Variants in GRIA2 observed in about 807,000 individuals in gnomAD.
GRIA2 encodes the protein glutamate ionotropic receptor AMPA type subunit 2, also known as glutamate receptor 2.
Under a neutral mutation model 97.3 loss-of-function variants are expected in GRIA2, and 14 were observed. The ratio of observed to expected loss-of-function variants is 0.14; its 90% CI spans 0.10 to 0.23. The LOEUF (loss-of-function observed/expected upper bound fraction) is 0.23. Ranked by LOEUF, GRIA2 falls within the 10% of genes least tolerant of loss-of-function variation. GRIA2 has a pLI of 1.00. For missense variants in GRIA2, 558 were observed against 1,069.8 expected (o/e 0.52, Z 6.67); for synonymous variants, 412 against 387.8 (o/e 1.06, Z -0.73).
intron 6 of GRIA2, among the ~76,000 whole-genome samples, chr4:157,325,983 T>C (rs1170888627): frequency 6.6e-6 from 1 of 152,152 alleles, no homozygotes; most frequent in Admixed American, 6.5e-5. Flanking sequence ...TCCATTTCAC[T>C]TGGAGTAAAA....
intron 2 of GRIA2, among the ~76,000 whole-genome samples, chr4:157,272,216 C>G (rs1732059685): frequency 6.6e-6 from 1 of 152,046 alleles, no homozygotes; most frequent in South Asian, 2.1e-4. Context: ...TGACCACAAT[C>G]AAATAGCAGG....
In GRIA2 at chr4:157,356,101, TTATATTTATTTATTTATATATATTTATA is replaced by T. The variant is rs1342434701; in HGVS notation, c.2044-3785_2044-3758del. Among the ~76,000 whole-genome samples the T allele has an allele frequency of 3.7e-3, 460 of 124,800 alleles. 8 individuals are homozygous for T. Among genetic ancestry groups the T allele is most frequent in the South Asian group, 0.03 (130 of 4,344 alleles). 81.9% of individuals were successfully genotyped at this position (124,800 alleles called of 152,430 possible). A position where few individuals can be genotyped will look rare whatever the true frequency, so the allele number is the denominator to read the frequency against. ...TATTTATTTATATATATTTATATAT[TTATATTTATTTATTTATATATATTTATA>T]TATATTTATATATTTATATTTATTT... On this transcript the variant is annotated intron_variant, in intron 12 of 15. Coordinates refer to ENST00000264426, the MANE Select transcript of GRIA2 (RefSeq NM_001083619.3).
At chr4:157,338,857 G>T (rs939667734) in intron 11 of GRIA2, among the ~76,000 whole-genome samples, 3 of 151,884 alleles carry the variant, frequency 2.0e-5, no homozygotes, top group Admixed American at 2.0e-4. Flanking sequence ...CATTTTTTAA[G>T]AATGCAATGA....
chr4:157,242,951 A>G (rs1211205957), intron 2 of GRIA2, among the ~76,000 whole-genome samples: 2 of 152,100 alleles, frequency 1.3e-5, no homozygotes, highest in South Asian at 2.1e-4. Flanking sequence ...CTAGACAGCA[A>G]TTCCTATCTA....
intron 2 of GRIA2, among the ~76,000 whole-genome samples, chr4:157,298,596 C>G (rs1234558322): frequency 2.5e-5 from 3 of 122,144 alleles, no homozygotes; most frequent in African/African-American, 9.5e-5. Flanking sequence ...TGGAAGGTGA[C>G]AGATTGAAGC....
At chr4:157,306,101 A>T (rs185507212) in intron 3 of GRIA2, among the ~76,000 whole-genome samples, 171 of 152,330 alleles carry the variant, frequency 1.1e-3, no homozygotes, top group African/African-American at 3.9e-3. Flanking sequence ...AAATTGAAGA[A>T]TTGAATGACT....
chr4:157,239,134 T>C (rs535646481), intron 2 of GRIA2, among the ~76,000 whole-genome samples: 1 of 152,188 alleles, frequency 6.6e-6, no homozygotes, highest in South Asian at 2.1e-4. Flanking sequence ...CCACATCAGC[T>C]TGGATGTCAT....
Position 157,363,039 on chromosome 4 carries a change from AT to A in GRIA2, c.2650del (p.Ter884ArgfsTer3). The A allele has an allele frequency of 1.9e-6, 3 of 1,610,600 alleles. No homozygotes were observed. The highest frequency in any genetic ancestry group is 2.5e-6 in the Non-Finnish European group (3 of 1,177,650). ...CGTATATGGCATCGAAAGTGTTAAA[AT>A]TTAGGGGGTAGGAACGAGGCTCTAA... ...YNVYGIESVK[I>X] On this transcript the variant is annotated frameshift_variant, in exon 15 of 16. Coordinates refer to ENST00000264426, the MANE Select transcript of GRIA2 (RefSeq NM_001083619.3). LOFTEE classifies it high-confidence loss of function.
intron 15 of GRIA2, 125 bp downstream of exon 15, chr4:157,363,172 A>G (rs1219812958): frequency 9.3e-7 from 1 of 1,071,778 alleles, no homozygotes; most frequent in East Asian, 2.4e-5. Context: ...ACGTTCTTCC[A>G]TGTTCCCAGT....
chr4:157,293,962 T>C (rs1049031476), intron 2 of GRIA2, among the ~76,000 whole-genome samples: 34 of 152,128 alleles, frequency 2.2e-4, no homozygotes, highest in Non-Finnish European at 8.8e-5. Flanking sequence ...AGCATATTTA[T>C]ATGATTTTGC....
chr4:157,301,517 C>T (rs948157652), intron 2 of GRIA2, among the ~76,000 whole-genome samples: 3 of 152,224 alleles, frequency 2.0e-5, no homozygotes, highest in Non-Finnish European at 2.9e-5. Flanking sequence ...CACAGGTTTT[C>T]GGCAAATAAG....
intron 11 of GRIA2, among the ~76,000 whole-genome samples, chr4:157,337,422 A>G (rs1281273774): frequency 6.6e-6 from 1 of 152,040 alleles, no homozygotes; most frequent in African/African-American, 2.4e-5. Context: ...ATACCTAATT[A>G]TAATGAATCT....
At chr4:157,288,021 G>C (rs895035389) in intron 2 of GRIA2, among the ~76,000 whole-genome samples, 1 of 151,632 alleles carries the variant, frequency 6.6e-6, no homozygotes, top group Non-Finnish European at 1.5e-5. Context: ...AACCTAGTGT[G>C]CTGTAAAAAT....
intron 12 of GRIA2, among the ~76,000 whole-genome samples, chr4:157,357,121 T>C (rs533127233): frequency 6.6e-6 from 1 of 152,310 alleles, no homozygotes; most frequent in South Asian, 2.1e-4. Context: ...TCATTTTTAT[T>C]ATTTAGTCTA....
chr4:157,228,846 C>A (rs1271592924), intron 2 of GRIA2, among the ~76,000 whole-genome samples: 1 of 140,804 alleles, frequency 7.1e-6, no homozygotes, highest in Non-Finnish European at 1.6e-5. Flanking sequence ...CCTCCCCCCA[C>A]CAAAAAAAAA....
chr4:157,239,398 T>A (rs938371563), intron 2 of GRIA2, among the ~76,000 whole-genome samples: 1 of 152,048 alleles, frequency 6.6e-6, no homozygotes, highest in Non-Finnish European at 1.5e-5. Flanking sequence ...TTCCCTCTGA[T>A]ATATCTGCAA....
chr4:157,360,921 G>A lies in GRIA2; in HGVS notation c.2292-89G>A, dbSNP rs1660047605. The A allele has an allele frequency of 3.2e-6, 3 of 938,474 alleles. No individual in the cohort carries two copies. The East Asian group carries it at 7.8e-5, about 25-fold the overall frequency. The allele number at this position is 938,474 out of a possible 1,614,324, so 58.1% of individuals were successfully genotyped here. A position where few individuals can be genotyped will look rare whatever the true frequency, so the allele number is the denominator to read the frequency against. On this transcript the variant is annotated intron_variant, in intron 13 of 15. Coordinates refer to ENST00000264426, the MANE Select transcript of GRIA2 (RefSeq NM_001083619.3). Reference sequence around the variant, plus strand: ...TTTTTTTGTGACAAGAGTTGCCACAGAAGCCAAAGAAAAACAAATTAAAAC... The same window carrying A: ...TTTTTTTGTGACAAGAGTTGCCACAAAAGCCAAAGAAAAACAAATTAAAAC...
intron 2 of GRIA2, among the ~76,000 whole-genome samples, chr4:157,231,861 A>G (rs1033689519): frequency 1.3e-5 from 2 of 152,220 alleles, no homozygotes; most frequent in Non-Finnish European, 2.9e-5. Context: ...GTGTTTTAAA[A>G]ATAAAAACAT....
Position 157,317,676 on chromosome 4 carries a change from C to T in GRIA2, c.685C>T (p.His229Tyr). Residue 229 changes from histidine to tyrosine, a missense_variant, in exon 5 of 16, where the codon CAT (histidine) becomes TAT (tyrosine). Around this residue, in one of 8 missense-constraint regions of GRIA2, gnomAD observed 173 missense variants for 209.1 expected, o/e 0.83. Coordinates refer to ENST00000264426, the MANE Select transcript of GRIA2 (RefSeq NM_001083619.3). ...TTATTAGGTTATTACCATTGGAAAA[C>T]ATGTTAAAGGGTACCACTACATCAT... Reference protein sequence around the residue: ...IVDQVITIGKHVKGYHYIIAN... With the variant: ...IVDQVITIGKYVKGYHYIIAN... The T allele has an allele frequency of 8.1e-7, 1 of 1,236,600 alleles. No homozygotes were observed. Among genetic ancestry groups the T allele is most frequent in the Non-Finnish European group, 1.2e-6 (1 of 845,856 alleles). The allele number at this position is 1,236,600 out of a possible 1,614,324, so 76.6% of individuals were successfully genotyped here. A position where few individuals can be genotyped will look rare whatever the true frequency, so the allele number is the denominator to read the frequency against.
Sources: allele counts gnomAD v4.1 joint callset (sites outside exome capture counted in the v4.1 genomes callset), GRCh38; gene constraint gnomAD v4.1.1; regional missense constraint gnomAD v4.1.1; transcripts MANE v1.5; gene names NCBI Gene and HGNC (gene_info 2026-07-23, HGNC 2026-07-21).